CAMKMT: variants seen among roughly 807,000 people sequenced by gnomAD.
CAMKMT encodes the protein CaM KMT.
CAMKMT carries 53 observed loss-of-function variants against 48.0 expected under a neutral mutation model. The ratio of observed to expected loss-of-function variants is 1.10; its 90% CI spans 0.89 to 1.39. The LOEUF is 1.39. CAMKMT is among the 40% of genes most tolerant of loss of function. CAMKMT has a pLI of 0.00. For synonymous variants in CAMKMT, 165 were observed against 152.3 expected, an observed-to-expected ratio of 1.08 and a Z score of -0.61; for missense variants, 428 against 402.7, an observed-to-expected ratio of 1.06 and a Z score of -0.54.
chr2:44,530,821 G>A (rs907783166), intron 3 of CAMKMT, among the ~76,000 whole-genome samples: 4 of 151,886 alleles, frequency 2.6e-5, no homozygotes, highest in Non-Finnish European at 5.9e-5. Flanking sequence ...TTTAATTTTA[G>A]AAGGTATTAA....
intron 3 of CAMKMT, among the ~76,000 whole-genome samples, chr2:44,555,562 A>G (rs1667962366): frequency 6.6e-6 from 1 of 152,184 alleles, no homozygotes; most frequent in South Asian, 2.1e-4. Context: ...AGGCATCAGG[A>G]GAGTGGTCTC....
chr2:44,386,585 A>G (rs1680799657), intron 2 of CAMKMT, among the ~76,000 whole-genome samples: 1 of 151,746 alleles, frequency 6.6e-6, no homozygotes, highest in Non-Finnish European at 1.5e-5. Context: ...TTGTTTCTCT[A>G]GTTCCTTGAG....
chr2:44,762,986 C>A (rs926669938), intron 9 of CAMKMT, among the ~76,000 whole-genome samples: 2 of 152,176 alleles, frequency 1.3e-5, no homozygotes, highest in African/African-American at 4.8e-5. Context: ...AATCCATATT[C>A]CTTTTCTGGT....
At chr2:44,611,058 T>C (rs571357421) in intron 3 of CAMKMT, among the ~76,000 whole-genome samples, 42 of 152,280 alleles carry the variant, frequency 2.8e-4, no homozygotes, top group African/African-American at 9.1e-4. Flanking sequence ...AGTCTCAAGA[T>C]AGTATCTGAG....
At position 44,625,796 on chromosome 2, in the gene CAMKMT, A is replaced by C. The variant is rs183972601; in HGVS notation, c.377-78487A>C. On this transcript the variant is annotated intron_variant, in intron 3 of 10. Transcript: ENST00000378494. Reference sequence around the variant, plus strand: ...TTTTCTCCCATTGAATTACTTTTACATATTGTTGAAAATTAATTGATGTAA... The same window carrying C: ...TTTTCTCCCATTGAATTACTTTTACCTATTGTTGAAAATTAATTGATGTAA... Among the ~76,000 whole-genome samples, 523 of 152,140 alleles carry C rather than the reference A, an allele frequency of 3.4e-3. 2 individuals are homozygous for C. The highest frequency in any genetic ancestry group is 5.8e-3 in the Non-Finnish European group (392 of 67,976).
intron 3 of CAMKMT, among the ~76,000 whole-genome samples, chr2:44,460,854 C>G (rs1443160065): frequency 6.6e-6 from 1 of 151,022 alleles, no homozygotes; most frequent in Non-Finnish European, 1.5e-5. Flanking sequence ...TCCCGAGTAG[C>G]TGAGATCACA....
intron 3 of CAMKMT, among the ~76,000 whole-genome samples, chr2:44,488,947 C>T (rs920876994): frequency 6.6e-6 from 1 of 151,530 alleles, no homozygotes; most frequent in Non-Finnish European, 1.5e-5. Flanking sequence ...CTCACTGCAG[C>T]CTTGAACTCG....
At chr2:44,715,470 A>G (rs892312368) in intron 7 of CAMKMT, 117 bp downstream of exon 7, 2 of 724,358 alleles carry the variant, frequency 2.8e-6, no homozygotes, top group Non-Finnish European at 4.7e-6. Context: ...TGTGTCAGGC[A>G]CTGTTTTAAG....
intron 3 of CAMKMT, among the ~76,000 whole-genome samples, chr2:44,592,300 T>G (rs1253101228): frequency 1.0e-5 from 1 of 99,852 alleles, no homozygotes; most frequent in African/African-American, 3.5e-5. Context: ...GAATAATCTT[T>G]GATAGTTGGT....
At chr2:44,546,630 C>T (rs1443406774) in intron 3 of CAMKMT, among the ~76,000 whole-genome samples, 1 of 152,224 alleles carries the variant, frequency 6.6e-6, no homozygotes, top group Non-Finnish European at 1.5e-5. Flanking sequence ...AGTCATTTCA[C>T]TGCTGCAAAA....
At chr2:44,591,350 G>A (rs1307387500) in intron 3 of CAMKMT, among the ~76,000 whole-genome samples, 1 of 152,160 alleles carries the variant, frequency 6.6e-6, no homozygotes, top group Non-Finnish European at 1.5e-5. Flanking sequence ...TGGGCAGTAT[G>A]ACCATTTTCA....
chr2:44,756,517 G>A (rs144820682), intron 9 of CAMKMT, among the ~76,000 whole-genome samples: 228 of 152,046 alleles, frequency 1.5e-3, no homozygotes, highest in African/African-American at 5.0e-3. Flanking sequence ...CGAGGCGGGC[G>A]GATCACAAGG....
intron 3 of CAMKMT, among the ~76,000 whole-genome samples, chr2:44,699,601 A>T (rs967615749): frequency 1.3e-5 from 2 of 149,418 alleles, no homozygotes; most frequent in African/African-American, 4.9e-5. Flanking sequence ...CTTTTCTCTT[A>T]TTTTTTTTTT....
chr2:44,740,341 G>C (rs1332082044), intron 7 of CAMKMT, among the ~76,000 whole-genome samples: 1 of 151,930 alleles, frequency 6.6e-6, no homozygotes, highest in African/African-American at 2.4e-5. Flanking sequence ...TGTTGCCCAG[G>C]CTAGTCTCGA....
At chr2:44,563,672 G>A (rs1668452077) in intron 3 of CAMKMT, among the ~76,000 whole-genome samples, 1 of 151,482 alleles carries the variant, frequency 6.6e-6, no homozygotes, top group Admixed American at 6.6e-5. Flanking sequence ...CCCACCCTGT[G>A]TCCAAGTGTT....
intron 3 of CAMKMT, among the ~76,000 whole-genome samples, chr2:44,693,921 G>C (rs934095162): frequency 6.6e-6 from 1 of 152,190 alleles, no homozygotes; most frequent in African/African-American, 2.4e-5. Context: ...TGTGTGATAG[G>C]CTTGATCACT....
chr2:44,523,356 A>G lies in CAMKMT; in HGVS notation c.376+133051A>G, dbSNP rs571049612. On this transcript the variant is annotated intron_variant, in intron 3 of 10. Coordinates refer to ENST00000378494, the MANE Select transcript of CAMKMT (RefSeq NM_024766.5). ...CGCCCAGGGTATAGTGCAATGGTGC[A>G]ATCTTGGCTCACTGCAATCTCTGCC... is the stretch of plus-strand genomic sequence containing the variant. 2.7e-5 allele frequency among the ~76,000 whole-genome samples: 4 copies of G among 148,068 alleles called. No homozygotes were observed. The East Asian group carries it at 6.1e-4, about 22-fold the overall frequency.
intron 3 of CAMKMT, among the ~76,000 whole-genome samples, chr2:44,471,707 C>T (rs1668427879): frequency 6.6e-6 from 1 of 152,142 alleles, no homozygotes; most frequent in African/African-American, 2.4e-5. Context: ...AATCACTCTT[C>T]TCTGATTCTT....
At chr2:44,685,531 G>C (rs1676289081) in intron 3 of CAMKMT, among the ~76,000 whole-genome samples, 1 of 152,164 alleles carries the variant, frequency 6.6e-6, no homozygotes, top group Non-Finnish European at 1.5e-5. Context: ...CCATTAACCA[G>C]TACAAAGCTT....
Sources: gnomAD v4.1 joint callset for allele counts (sites outside exome capture counted in the v4.1 genomes callset) on GRCh38, gnomAD v4.1.1 for gene constraint, MANE v1.5 for transcripts, NCBI Gene and HGNC (gene_info 2026-07-23, HGNC 2026-07-21) for gene names.